Variants in BIN1 observed in about 807,000 individuals in gnomAD.
The protein encoded by BIN1 is bridging integrator 1.
A neutral mutation model predicts 82.0 loss-of-function variants in BIN1; 53 were observed. That is an observed-to-expected ratio of 0.65 (90% CI 0.52 to 0.81). The LOEUF (loss-of-function observed/expected upper bound fraction) is 0.81, where lower values mean the gene tolerates loss of function less well. Among genes scored for constraint, BIN1 ranks in the 40% least tolerant of loss-of-function variants. The pLI is 0.00. For missense variants in BIN1, 642 were observed against 784.4 expected, an observed-to-expected ratio of 0.82 and a Z score of 2.17; for synonymous variants, 302 against 328.0, an observed-to-expected ratio of 0.92 and a Z score of 0.86.
chr2:127,055,489 C>CGGGG, intron 12 of BIN1: 1 of 152,168 alleles, frequency 6.6e-6, no homozygotes, highest in Admixed American at 6.5e-5. Flanking sequence ...GAACCCAGGG[C>CGGGG]AGGGAGGTCA....
intron 1 of BIN1, among the ~76,000 whole-genome samples, chr2:127,099,589 C>T (rs1680033722): frequency 6.6e-6 from 1 of 152,232 alleles, no homozygotes; most frequent in East Asian, 1.9e-4. Context: ...TCTGGGCTCA[C>T]TGCAACCGCC....
chr2:127,101,988 CCA>C (rs1405466075), intron 1 of BIN1, among the ~76,000 whole-genome samples: 2 of 152,166 alleles, frequency 1.3e-5, no homozygotes, highest in African/African-American at 4.8e-5. Context: ...TGCCGCTCTG[CCA>C]CAGAGCTGGC....
At chr2:127,088,508 G>A (rs1357549332) in intron 1 of BIN1, among the ~76,000 whole-genome samples, 1 of 152,116 alleles carries the variant, frequency 6.6e-6, no homozygotes, top group Non-Finnish European at 1.5e-5. Flanking sequence ...GGCTGAGGGG[G>A]GCAAATCACC....
chr2:127,087,156 T>C (rs777112612), intron 1 of BIN1, among the ~76,000 whole-genome samples: 1 of 152,172 alleles, frequency 6.6e-6, no homozygotes, highest in Non-Finnish European at 1.5e-5. Context: ...CCACAATGCT[T>C]TGATGGTCAA....
In BIN1 at chr2:127,048,473, T is replaced by C; in HGVS notation, c.*53A>G. The C allele has an allele frequency of 1.3e-6, 2 of 1,523,508 alleles. No individual in the cohort carries two copies. Among genetic ancestry groups the C allele is most frequent in the Non-Finnish European group, 1.8e-6 (2 of 1,099,664 alleles). 94.4% of individuals were successfully genotyped at this position (1,523,508 alleles called of 1,614,324 possible). A position where few individuals can be genotyped will look rare whatever the true frequency, so the allele number is the denominator to read the frequency against. On this transcript the variant is annotated 3_prime_UTR_variant, in exon 19 of 19. Transcript: ENST00000316724. Reference sequence around the variant, plus strand: ...ACAAAACAAAAAAAAGAACCACACATTTTTCGGGAGGAGGTGTTCTTCACA... The same window carrying C: ...ACAAAACAAAAAAAAGAACCACACACTTTTCGGGAGGAGGTGTTCTTCACA...
At chr2:127,064,055 G>A (rs572805954) in intron 7 of BIN1, 37 bp from the exon 8 acceptor site, 16 of 1,611,646 alleles carry the variant, frequency 9.9e-6, no homozygotes, top group East Asian at 4.5e-5. Flanking sequence ...TCTGTTGGGC[G>A]TCCCAGCCAG....
At chr2:127,066,121 G>A (rs1685132075) in intron 7 of BIN1, among the ~76,000 whole-genome samples, 1 of 152,298 alleles carries the variant, frequency 6.6e-6, no homozygotes, top group African/African-American at 2.4e-5. Context: ...TCTCCCCAAA[G>A]TCAAGTTCCC....
intron 7 of BIN1, among the ~76,000 whole-genome samples, chr2:127,066,471 T>A (rs935734887): frequency 6.6e-6 from 1 of 151,996 alleles, no homozygotes; most frequent in African/African-American, 2.4e-5. Flanking sequence ...GGTTCTCCCA[T>A]CCACAAAAAA....
At position 127,070,702 on chromosome 2, in the gene BIN1, C is replaced by T. The variant is rs1287314268; in HGVS notation, c.221-55G>A. Reference sequence around the variant, plus strand: ...TCCCACTGATAGCGCTTGTCCCACCCTCCCCAGCTCTGCACCCACCAGCTC... The same window carrying T: ...TCCCACTGATAGCGCTTGTCCCACCTTCCCCAGCTCTGCACCCACCAGCTC... On this transcript the variant is annotated intron_variant, in intron 3 of 18. Transcript: ENST00000316724. 1.9e-6 allele frequency: 3 copies of T among 1,585,406 alleles called. No individual in the cohort carries two copies. In the South Asian group the frequency reaches 3.4e-5, roughly 18 times the overall value.
chr2:127,050,803 T>G lies in BIN1; in HGVS notation c.1571A>C (p.Lys524Thr). Residue 524 changes from lysine to threonine, a missense_variant and splice_region_variant, in exon 17 of 19, where the codon AAG becomes ACG. By Grantham distance (78) the Lys-to-Thr change is moderately conservative. Coordinates refer to ENST00000316724, the MANE Select transcript of BIN1 (RefSeq NM_139343.3). ...AGCAGTCAGAGGCTGTGGGCTCACC[T>G]TGAACATGAAACCTGGGGGCAGGTC... ...RLDLPPGFMF[K>T]VQAQHDYTAT... The G allele has an allele frequency of 1.9e-6, 3 of 1,613,400 alleles. No homozygotes were observed. Among genetic ancestry groups the G allele is most frequent in the Non-Finnish European group, 2.5e-6 (3 of 1,179,936 alleles).
rs1255517357 is a variant in BIN1, at chr2:127,081,009, C to T, written c.85-4303G>A. On this transcript the variant is annotated intron_variant, in intron 1 of 18. Transcript: ENST00000316724. The stretch of plus-strand genomic sequence containing the variant: ...GGGTGGGTGCCCCTCCCCAGCCCTC[C>T]GCCAAGGCCTTTGTCATGGCCCAGT... Among the ~76,000 whole-genome samples the T allele has an allele frequency of 3.3e-5, 5 of 152,336 alleles. No individual in the cohort carries two copies. In the East Asian group the frequency reaches 9.7e-4, roughly 29 times the overall value.
chr2:127,062,347 A>G lies in BIN1; in HGVS notation c.775-150T>C, dbSNP rs1003940743. On this transcript the variant is annotated intron_variant, in intron 9 of 18. Coordinates refer to ENST00000316724, the MANE Select transcript of BIN1 (RefSeq NM_139343.3). ...ATCTGTGAGAGCAAGGAACTAGCACACCAAACCCCGAAAAACCAAGGGGGC... is the reference window on the plus strand; with the variant it reads ...ATCTGTGAGAGCAAGGAACTAGCACGCCAAACCCCGAAAAACCAAGGGGGC... 4 of 797,096 alleles carry G rather than the reference A, an allele frequency of 5.0e-6. No individual in the cohort carries two copies. The East Asian group carries it at 8.1e-5, about 16-fold the overall frequency. The allele number at this position is 797,096 out of a possible 1,614,324, so 49.4% of individuals were successfully genotyped here.
chr2:127,054,501 A>G, intron 12 of BIN1: 1 of 170,840 alleles, frequency 5.9e-6, no homozygotes, highest in Non-Finnish European at 1.3e-5. Flanking sequence ...CGACTGGGAA[A>G]GTTCCAAAGG....
chr2:127,101,082 A>T (rs945044993), intron 1 of BIN1, among the ~76,000 whole-genome samples: 1 of 150,032 alleles, frequency 6.7e-6, no homozygotes, highest in Non-Finnish European at 1.5e-5. Flanking sequence ...GAATCTTACA[A>T]GTGGCCCTGG....
chr2:127,087,304 T>C (rs1558867208), intron 1 of BIN1, among the ~76,000 whole-genome samples: 1 of 152,078 alleles, frequency 6.6e-6, no homozygotes, highest in Non-Finnish European at 1.5e-5. Context: ...TCCACACTCA[T>C]CTCTGCAGCT....
At chr2:127,054,543 C>G (rs1193568534) in intron 12 of BIN1, 3 of 161,126 alleles carry the variant, frequency 1.9e-5, no homozygotes, top group African/African-American at 7.2e-5. Context: ...TCCTCCACCC[C>G]AGACAGGGAG....
rs1224002275 is a variant in BIN1 at position 127,053,719 on chromosome 2, C to A, written c.1239+186G>T. On this transcript the variant is annotated intron_variant, in intron 13 of 18. Transcript: ENST00000316724. The stretch of plus-strand genomic sequence containing the variant: ...GTTCAGTAACCCCCTACTGAGAGTT[C>A]TCCCAGCTGATCAGGGGCTGCTTCC... 7.1e-6 allele frequency: 5 copies of A among 707,380 alleles called. No homozygotes were observed. In the African/African-American group the frequency reaches 8.8e-5, roughly 12 times the overall value. 43.8% of individuals were successfully genotyped at this position (707,380 alleles called of 1,614,324 possible). A position where few individuals can be genotyped will look rare whatever the true frequency, so the allele number is the denominator to read the frequency against.
Position 127,076,659 on chromosome 2 carries a change from A to G in BIN1, c.132T>C (p.Phe44=). The G allele has an allele frequency of 1.2e-6, 2 of 1,614,140 alleles. No individual in the cohort carries two copies. The highest frequency in any genetic ancestry group is 2.7e-5 in the African/African-American group (2 of 75,040). The stretch of plus-strand genomic sequence containing the variant: ...TGTTGAAATTCTGGACGCACTGCTC[A>G]AACTGCTCATCCTTGGTCTCATCTG... ...GKADETKDEQ[F]EQCVQNFNKQ... is the part of the protein sequence containing the mutation. The change falls in exon 2 of 19, where the codon TTT becomes TTC. Residue 44 remains phenylalanine, a synonymous_variant. Transcript: ENST00000316724.
At chr2:127,106,104 G>C (rs1003872390) in intron 1 of BIN1, among the ~76,000 whole-genome samples, 1 of 152,132 alleles carries the variant, frequency 6.6e-6, no homozygotes, top group Non-Finnish European at 1.5e-5. Flanking sequence ...CGCCTTCCAC[G>C]CGCCTCCTCC....
Sources: gnomAD v4.1 joint callset for allele counts (sites outside exome capture counted in the v4.1 genomes callset) on GRCh38, gnomAD v4.1.1 for gene constraint, MANE v1.5 for transcripts, NCBI Gene and HGNC (gene_info 2026-07-23, HGNC 2026-07-21) for gene names.